Variants in SDC2 observed in about 807,000 individuals in gnomAD.
SDC2 encodes the protein syndecan-2.
Under a neutral mutation model 22.2 loss-of-function variants are expected in SDC2, and 13 were observed. The ratio of observed to expected loss-of-function variants is 0.59; its 90% CI spans 0.38 to 0.93. The LOEUF is 0.93. Ranked by LOEUF, SDC2 falls within the 40% of genes least tolerant of loss-of-function variation. The probability of loss-of-function intolerance (pLI) is 0.00; values close to 1 mark genes in which losing one functional copy is unlikely to be tolerated. For missense variants in SDC2, 235 were observed against 246.8 expected (o/e 0.95, Z 0.32); for synonymous variants, 94 against 92.8 (o/e 1.01, Z -0.07).
chr8:96,608,572 C>T (rs1416262772), intron 4 of SDC2, 102 bp downstream of exon 4: 2 of 1,074,340 alleles, frequency 1.9e-6, no homozygotes, highest in African/African-American at 3.2e-5. Flanking sequence ...CATCTTTCTG[C>T]TGAAAGCAGT....
chr8:96,562,620 A>C (rs1814228155), intron 1 of SDC2, among the ~76,000 whole-genome samples: 1 of 152,194 alleles, frequency 6.6e-6, no homozygotes, highest in Non-Finnish European at 1.5e-5. Context: ...ACTCATTCTA[A>C]CTGATGAGAT....
chr8:96,540,381 T>G (rs2651446), intron 1 of SDC2, among the ~76,000 whole-genome samples: 105,914 of 146,208 alleles, frequency 0.72, 38,538 homozygotes, highest in African/African-American at 0.74. Context: ...GTGGCAGTGT[T>G]TGCCTGTGGT....
At chr8:96,606,974 A>G (rs755641990) in intron 3 of SDC2, among the ~76,000 whole-genome samples, 3 of 152,122 alleles carry the variant, frequency 2.0e-5, no homozygotes, top group Admixed American at 2.0e-4. Flanking sequence ...GAAGTGAGTG[A>G]GCATTACCAC....
At chr8:96,524,352 G>A (rs923978927) in intron 1 of SDC2, among the ~76,000 whole-genome samples, 2 of 152,152 alleles carry the variant, frequency 1.3e-5, no homozygotes, top group African/African-American at 4.8e-5. Flanking sequence ...GCTGCTGCTC[G>A]CTGTCTGTGC....
intron 1 of SDC2, among the ~76,000 whole-genome samples, chr8:96,581,828 GA>G (rs1220001036): frequency 2.0e-5 from 3 of 151,440 alleles, no homozygotes; most frequent in Non-Finnish European, 4.4e-5. Context: ...TGTCATTGGT[GA>G]AAAAAAAATT....
intron 1 of SDC2, among the ~76,000 whole-genome samples, chr8:96,591,623 C>G (rs528398361): frequency 3.2e-4 from 49 of 152,210 alleles, no homozygotes; most frequent in Non-Finnish European, 5.1e-4. Context: ...TGTTCATATG[C>G]TACAAAATCC....
chr8:96,583,685 A>ATGTGTGTG (rs3064977), intron 1 of SDC2, among the ~76,000 whole-genome samples: 31 of 142,612 alleles, frequency 2.2e-4, no homozygotes, highest in East Asian at 1.5e-3. Flanking sequence ...TTTGAAATAT[A>ATGTGTGTG]TGTGTGTGTG....
At chr8:96,535,440 C>G (rs1554601359) in intron 1 of SDC2, among the ~76,000 whole-genome samples, 1 of 152,222 alleles carries the variant, frequency 6.6e-6, no homozygotes, top group Non-Finnish European at 1.5e-5. Flanking sequence ...CTACAAATAT[C>G]TGTACCAATT....
At chr8:96,549,094 C>CA (rs746847498) in intron 1 of SDC2, among the ~76,000 whole-genome samples, 8 of 152,134 alleles carry the variant, frequency 5.3e-5, no homozygotes, top group Non-Finnish European at 8.8e-5. Context: ...TTATATCTGT[C>CA]AGAAACATTT....
At chr8:96,584,196 G>C (rs751963818) in intron 1 of SDC2, among the ~76,000 whole-genome samples, 33 of 152,220 alleles carry the variant, frequency 2.2e-4, no homozygotes, top group Non-Finnish European at 4.6e-4. Flanking sequence ...GAAACACTTG[G>C]AAATTCTATC....
intron 1 of SDC2, among the ~76,000 whole-genome samples, chr8:96,501,539 C>T (rs1813165711): frequency 6.6e-6 from 1 of 151,984 alleles, no homozygotes; most frequent in South Asian, 2.1e-4. Context: ...AACTCTTGAC[C>T]TCAACTGATC....
At chr8:96,526,561 C>T (rs952919709) in intron 1 of SDC2, among the ~76,000 whole-genome samples, 38 of 152,106 alleles carry the variant, frequency 2.5e-4, no homozygotes, top group African/African-American at 7.7e-4. Context: ...GGAAGGCCAA[C>T]GCAGGTTGCA....
At chr8:96,509,666 A>G (rs556243224) in intron 1 of SDC2, among the ~76,000 whole-genome samples, 1 of 96,240 alleles carries the variant, frequency 1.0e-5, no homozygotes, top group Non-Finnish European at 2.8e-5. Flanking sequence ...TCCCTGTGAA[A>G]GCTTATTCTC....
rs552557656 is a variant in SDC2 at position 96,554,856 on chromosome 8, C to T, written c.61-38624C>T. Among the ~76,000 whole-genome samples the T allele has an allele frequency of 2.0e-5, 3 of 152,314 alleles. No individual in the cohort carries two copies. In the East Asian group the frequency reaches 5.8e-4, roughly 29 times the overall value. ...TTCAAACCCTGTTGTTCCCTGACAT[C>T]CTGCCTTCAGCACAGGTTGCTGTAC... On this transcript the variant is annotated intron_variant, in intron 1 of 4. Transcript: ENST00000302190.
At chr8:96,501,244 C>T (rs536153180) in intron 1 of SDC2, among the ~76,000 whole-genome samples, 4 of 143,302 alleles carry the variant, frequency 2.8e-5, no homozygotes, top group East Asian at 2.1e-4. Flanking sequence ...GGACAAGATA[C>T]GCAATTATTA....
In SDC2 at chr8:96,508,140, C is replaced by G. The variant is rs192099735; in HGVS notation, c.60+13809C>G. Among the ~76,000 whole-genome samples, 1,097 of 152,100 alleles carry G rather than the reference C, an allele frequency of 7.2e-3. 4 individuals are homozygous for G. The highest frequency in any genetic ancestry group is 0.012 in the Non-Finnish European group (796 of 67,972). On this transcript the variant is annotated intron_variant, in intron 1 of 4. Transcript: ENST00000302190. ...TGAAACGCCATCTCTACTAAAAATA[C>G]AAAAAATTAGCCGGGCATGGGGGCG...
At chr8:96,531,563 C>G (rs1290292006) in intron 1 of SDC2, among the ~76,000 whole-genome samples, 2 of 152,156 alleles carry the variant, frequency 1.3e-5, no homozygotes, top group Non-Finnish European at 2.9e-5. Flanking sequence ...AACTTGTATG[C>G]TGGCAGTTGC....
intron 1 of SDC2, among the ~76,000 whole-genome samples, chr8:96,505,700 G>C (rs1448506665): frequency 6.6e-6 from 1 of 152,138 alleles, no homozygotes; most frequent in Non-Finnish European, 1.5e-5. Flanking sequence ...AAATAAGAAT[G>C]GTGTTTTGAT....
At chr8:96,600,344 AGTT>A (rs567625399) in intron 2 of SDC2, among the ~76,000 whole-genome samples, 1 of 152,194 alleles carries the variant, frequency 6.6e-6, no homozygotes, top group Non-Finnish European at 1.5e-5. Flanking sequence ...AGTTTGTTTG[AGTT>A]GTTACAAATT....
Sources: allele counts gnomAD v4.1 joint callset (sites outside exome capture counted in the v4.1 genomes callset), GRCh38; gene constraint gnomAD v4.1.1; transcripts MANE v1.5; gene names NCBI Gene and HGNC (gene_info 2026-07-23, HGNC 2026-07-21).